H2AZ2: variants seen among roughly 807,000 people sequenced by gnomAD.
H2AZ2 encodes histone H2A.V.
In H2AZ2, 5 loss-of-function variants were observed where a neutral mutation model predicts 15.5. The observed-to-expected ratio is 0.32, with a 90% CI of 0.17 to 0.68. H2AZ2 has a LOEUF of 0.68. Among genes scored for constraint, H2AZ2 ranks in the 30% least tolerant of loss-of-function variants. The pLI is 0.72. For synonymous variants in H2AZ2, 44 were observed against 57.4 expected, an observed-to-expected ratio of 0.77 and a Z score of 1.05; for missense variants, 42 against 162.5, an observed-to-expected ratio of 0.26 and a Z score of 4.03.
At chr7:44,841,570 C>A (rs1388907457) in intron 2 of H2AZ2, among the ~76,000 whole-genome samples, 1 of 152,108 alleles carries the variant, frequency 6.6e-6, no homozygotes, top group African/African-American at 2.4e-5. Context: ...AGTGCAGTGG[C>A]GCCATCTTGG....
At chr7:44,843,116 C>A (rs1007923084) in intron 2 of H2AZ2, among the ~76,000 whole-genome samples, 161 bp downstream of exon 2, 2 of 103,782 alleles carry the variant, frequency 1.9e-5, no homozygotes, top group African/African-American at 7.6e-5. Context: ...TCCAGCCTGA[C>A]GACAGAGTGA....
At chr7:44,846,332 A>G (rs559569307) in intron 1 of H2AZ2, among the ~76,000 whole-genome samples, 31 of 152,276 alleles carry the variant, frequency 2.0e-4, no homozygotes, top group African/African-American at 7.5e-4. Context: ...GAAAAACTAG[A>G]ATTGGCCGTG....
At chr7:44,830,826 C>T (rs1792988951), downstream of H2AZ2, among the ~76,000 whole-genome samples, 1 of 152,190 alleles carries the variant, frequency 6.6e-6, no homozygotes, top group South Asian at 2.1e-4. Context: ...GGTGAAACCC[C>T]ATCTCTACTA....
intron 3 of H2AZ2, among the ~76,000 whole-genome samples, chr7:44,838,011 G>T (rs993535863): frequency 6.7e-6 from 1 of 150,062 alleles, no homozygotes; most frequent in African/African-American, 2.5e-5. Context: ...TCGTTCTGTC[G>T]CCAGGCTGGA....
chr7:44,834,692 C>T, intron 4 of H2AZ2, 130 bp from the exon 5 acceptor site: 1 of 762,562 alleles, frequency 1.3e-6, no homozygotes. Context: ...CTATCTATAC[C>T]AATGGCTACA....
chr7:44,833,436 C>A lies in H2AZ2; in HGVS notation c.*1065G>T, dbSNP rs1263286793. Among the ~76,000 whole-genome samples, 2 of 152,104 alleles carry A rather than the reference C, an allele frequency of 1.3e-5. No homozygotes were observed. The highest frequency in any genetic ancestry group is 4.1e-4 in the South Asian group (2 of 4,822). On this transcript the variant is annotated 3_prime_UTR_variant, in exon 5 of 5. Transcript: ENST00000308153. ...TTTTTAAATAGAGACGGGGTTTCAC[C>A]ATGTTAGCCAGGATGGTCTCGATTT...
At chr7:44,831,536 C>G (rs560434826), downstream of H2AZ2, among the ~76,000 whole-genome samples, 7 of 151,844 alleles carry the variant, frequency 4.6e-5, no homozygotes, top group Non-Finnish European at 8.8e-5. Context: ...GCACTCCCCC[C>G]CCCGCTTCTT....
At chr7:44,845,830 T>C (rs1793384316) in intron 1 of H2AZ2, among the ~76,000 whole-genome samples, 2 of 152,174 alleles carry the variant, frequency 1.3e-5, no homozygotes, top group South Asian at 4.1e-4. Context: ...GGTATCAAAC[T>C]TATCTGAATA....
rs2117023826 is a variant in H2AZ2 at position 44,834,292 on chromosome 7, CA to C, written c.*208del. 7.8e-7 allele frequency: 1 copy of C among 1,283,090 alleles called. No individual in the cohort carries two copies. The highest frequency in any genetic ancestry group is 1.5e-5 in the African/African-American group (1 of 67,076). 79.5% of individuals were successfully genotyped at this position (1,283,090 alleles called of 1,614,324 possible). ...ATAAAACACACGGGAGAAACCTAGC[CA>C]ATCAACACACAACTGTCACCACATG... On this transcript the variant is annotated 3_prime_UTR_variant, in exon 5 of 5. Transcript: ENST00000308153.
At chr7:44,844,321 A>C (rs1793347259) in intron 1 of H2AZ2, among the ~76,000 whole-genome samples, 1 of 152,206 alleles carries the variant, frequency 6.6e-6, no homozygotes, top group African/African-American at 2.4e-5. Context: ...TGAGGACATT[A>C]TGCTAAGGAA....
chr7:44,828,588 T>C (rs1013140084), downstream of H2AZ2: 3 of 152,316 alleles, frequency 2.0e-5, no homozygotes, highest in South Asian at 4.1e-4. Flanking sequence ...CCCAGGTAGA[T>C]AGGACTCCAG....
intron 3 of H2AZ2, among the ~76,000 whole-genome samples, chr7:44,836,563 G>A (rs1793127738): frequency 1.3e-5 from 2 of 151,856 alleles, no homozygotes; most frequent in Non-Finnish European, 2.9e-5. Flanking sequence ...TGTTGCCCAG[G>A]CTGCAGTGCA....
downstream of H2AZ2, among the ~76,000 whole-genome samples, chr7:44,831,290 G>C (rs148601713): frequency 3.8e-4 from 58 of 152,334 alleles, no homozygotes; most frequent in African/African-American, 1.4e-3. Context: ...GGGTACAAAT[G>C]AAACGAGACT....
At chr7:44,847,627 C>T (rs1793444212) in intron 1 of H2AZ2, among the ~76,000 whole-genome samples, 1 of 152,200 alleles carries the variant, frequency 6.6e-6, no homozygotes, top group Non-Finnish European at 1.5e-5. Flanking sequence ...TACAGAGAAG[C>T]GATCACATTA....
chr7:44,834,709 G>A, intron 4 of H2AZ2, 147 bp from the exon 5 acceptor site: 1 of 659,792 alleles, frequency 1.5e-6, no homozygotes, highest in Non-Finnish European at 2.4e-6. Flanking sequence ...TACACCCCAG[G>A]GGTCTGTGAA....
In H2AZ2 at chr7:44,832,894, G is replaced by A. The variant is rs1401952499; in HGVS notation, c.*1607C>T. Among the ~76,000 whole-genome samples the A allele has an allele frequency of 2.0e-5, 3 of 152,162 alleles. No homozygotes were observed. The highest frequency in any genetic ancestry group is 4.4e-5 in the Non-Finnish European group (3 of 68,020). ...GGGCCTGAGAGGTGGAGGCTGCAGT[G>A]AGCCAGGATCATGCCACTGCACTTC... is the stretch of plus-strand genomic sequence containing the variant. On this transcript the variant is annotated 3_prime_UTR_variant, in exon 5 of 5. Transcript: ENST00000308153.
intron 3 of H2AZ2, among the ~76,000 whole-genome samples, chr7:44,836,918 C>T (rs547870804): frequency 9.9e-5 from 15 of 151,830 alleles, no homozygotes; most frequent in Admixed American, 5.2e-4. Flanking sequence ...ATGGCGTGAA[C>T]CCAGGAAGCG....
chr7:44,837,547 AG>A (rs1793159026), intron 3 of H2AZ2, among the ~76,000 whole-genome samples: 1 of 145,928 alleles, frequency 6.9e-6, no homozygotes, highest in African/African-American at 2.5e-5. Context: ...GCTGGAGTGC[AG>A]TGGTGCAATC....
At position 44,833,239 on chromosome 7, in the gene H2AZ2, T is replaced by G. The variant is rs533500448; in HGVS notation, c.*1262A>C. On this transcript the variant is annotated 3_prime_UTR_variant, in exon 5 of 5. Transcript: ENST00000308153. ...TTCTGTATTTTTAGTAGAGACTTTT[T>G]TTTGTTTGTTTTGAGAGGGAGTCTT... Among the ~76,000 whole-genome samples the G allele has an allele frequency of 4.6e-4, 70 of 152,050 alleles. No individual in the cohort carries two copies. In the Middle Eastern group the frequency reaches 0.014, roughly 30 times the overall value.
Sources: allele counts gnomAD v4.1 joint callset (sites outside exome capture counted in the v4.1 genomes callset), GRCh38; gene constraint gnomAD v4.1.1; transcripts MANE v1.5; gene names NCBI Gene and HGNC (gene_info 2026-07-23, HGNC 2026-07-21).